Variants in JAKMIP3 observed in about 807,000 individuals in gnomAD.
JAKMIP3 encodes Janus kinase and microtubule interacting protein 3.
In JAKMIP3, 58 loss-of-function variants were observed where a neutral mutation model predicts 118.5. That is an observed-to-expected ratio of 0.49 (90% CI 0.40 to 0.61). The LOEUF is 0.61. Among genes scored for constraint, JAKMIP3 ranks in the 20% least tolerant of loss-of-function variants. The pLI, the probability that JAKMIP3 is intolerant of heterozygous loss-of-function variation, is 0.00. For missense variants in JAKMIP3, 950 were observed against 1,109.0 expected, an observed-to-expected ratio of 0.86 and a Z score of 2.04; for synonymous variants, 486 against 451.2, an observed-to-expected ratio of 1.08 and a Z score of -0.98.
chr10:132,071,318 A>G (rs1224209328), intron 1 of JAKMIP3, among the ~76,000 whole-genome samples: 2 of 152,026 alleles, frequency 1.3e-5, no homozygotes, highest in African/African-American at 2.4e-5. Flanking sequence ...GATTTGTTTT[A>G]TTACCCAGCA....
At position 132,117,053 on chromosome 10, in the gene JAKMIP3, C is replaced by G. The variant is rs2047799622; in HGVS notation, c.136-24C>G. 1.3e-6 allele frequency: 2 copies of G among 1,584,530 alleles called. No individual in the cohort carries two copies. Among genetic ancestry groups the G allele is most frequent in the African/African-American group, 1.3e-5 (1 of 74,330 alleles). ...GTGCATGGCTGGAGCTCCTGCCACACTCAGTCTCGCTGTTGTCTTTCAGGT... is the reference window on the plus strand; with the variant it reads ...GTGCATGGCTGGAGCTCCTGCCACAGTCAGTCTCGCTGTTGTCTTTCAGGT... On this transcript the variant is annotated intron_variant, in intron 2 of 23. Transcript: ENST00000684848. The surrounding 1 kb of genome is among the most constrained non-coding windows in gnomAD (Gnocchi z 8.6).
At chr10:132,133,839 C>T (rs1030259963) in intron 4 of JAKMIP3, among the ~76,000 whole-genome samples, 7 of 152,230 alleles carry the variant, frequency 4.6e-5, no homozygotes, top group East Asian at 3.8e-4. Flanking sequence ...GCCCGGAGTC[C>T]GGCCCTGGGT....
chr10:132,088,360 C>A (rs2042669418), intron 1 of JAKMIP3, among the ~76,000 whole-genome samples: 1 of 152,218 alleles, frequency 6.6e-6, no homozygotes, highest in Non-Finnish European at 1.5e-5. Context: ...CACATCCTCT[C>A]CAGCACCTGT....
chr10:132,098,909 G>A (rs185434722), intron 1 of JAKMIP3, among the ~76,000 whole-genome samples: 2 of 152,342 alleles, frequency 1.3e-5, no homozygotes, highest in African/African-American at 4.8e-5. Context: ...TCCTCAGGGT[G>A]TTCTTACACT....
chr10:132,152,402 G>A (rs1347772645), intron 16 of JAKMIP3, among the ~76,000 whole-genome samples: 1 of 152,178 alleles, frequency 6.6e-6, no homozygotes, highest in Non-Finnish European at 1.5e-5. Context: ...TGCCCACATC[G>A]AAAGCCATAA....
intron 6 of JAKMIP3, 148 bp from the exon 7 acceptor site, chr10:132,136,871 G>A (rs959997939): frequency 2.6e-6 from 2 of 776,780 alleles, no homozygotes; most frequent in South Asian, 1.8e-5. Flanking sequence ...TCTGCAGCTG[G>A]GCTGTTCTGA....
At chr10:132,177,021 T>C (rs1310425899) in intron 23 of JAKMIP3, among the ~76,000 whole-genome samples, 1 of 152,208 alleles carries the variant, frequency 6.6e-6, no homozygotes, top group Non-Finnish European at 1.5e-5. Flanking sequence ...CAAATGTTAC[T>C]GGGTGATTTG....
At chr10:132,078,491 T>C (rs948597836) in intron 1 of JAKMIP3, among the ~76,000 whole-genome samples, 1 of 152,150 alleles carries the variant, frequency 6.6e-6, no homozygotes, top group African/African-American at 2.4e-5. Flanking sequence ...CTTTAATCCA[T>C]TTAGAATTTT....
chr10:132,170,941 C>T (rs985130733), intron 23 of JAKMIP3, among the ~76,000 whole-genome samples: 3 of 152,232 alleles, frequency 2.0e-5, no homozygotes, highest in Non-Finnish European at 4.4e-5. Flanking sequence ...CCAAGCGTCA[C>T]GTTGCACCAG....
At chr10:132,096,277 T>C (rs994709106) in intron 1 of JAKMIP3, among the ~76,000 whole-genome samples, 3 of 152,262 alleles carry the variant, frequency 2.0e-5, no homozygotes, top group African/African-American at 7.2e-5. Context: ...GTTTATTTTA[T>C]AGAGTGATCG....
At chr10:132,150,327 GAT>G (rs1564967404) in intron 16 of JAKMIP3, among the ~76,000 whole-genome samples, 9 of 152,160 alleles carry the variant, frequency 5.9e-5, no homozygotes, top group Non-Finnish European at 1.2e-4. Flanking sequence ...TTGCCATGAG[GAT>G]AGGGGGCTGT....
chr10:132,125,449 G>A lies in JAKMIP3; in HGVS notation c.634-7863G>A, dbSNP rs537188431. On this transcript the variant is annotated intron_variant, in intron 3 of 23. Transcript: ENST00000684848. ...TCTGGTGCTCCGCCTTGCGGCGTTA[G>A]TACCACGTCTTAGTTCCGACACTCT... 5.9e-5 allele frequency among the ~76,000 whole-genome samples: 9 copies of A among 152,388 alleles called. No homozygotes were observed. In the East Asian group the frequency reaches 1.7e-3, roughly 29 times the overall value.
intron 1 of JAKMIP3, among the ~76,000 whole-genome samples, chr10:132,040,914 T>C (rs886206118): frequency 4.6e-5 from 7 of 150,964 alleles, no homozygotes; most frequent in African/African-American, 1.7e-4. Context: ...CAACACCTCA[T>C]AGAACTGGAA....
intron 3 of JAKMIP3, among the ~76,000 whole-genome samples, chr10:132,119,344 T>C (rs923711235): frequency 6.6e-6 from 1 of 152,226 alleles, no homozygotes; most frequent in African/African-American, 2.4e-5. Flanking sequence ...TCTAATTTGC[T>C]TATCTTTCCC....
At chr10:132,139,492 ATG>A (rs578141838) in intron 9 of JAKMIP3, among the ~76,000 whole-genome samples, 10 of 138,982 alleles carry the variant, frequency 7.2e-5, no homozygotes, top group Non-Finnish European at 4.9e-5. Flanking sequence ...GTGTGAGAGT[ATG>A]TGAGTGTGTA....
chr10:132,181,036 T>C (rs1035374421), intron 23 of JAKMIP3, among the ~76,000 whole-genome samples: 4 of 152,098 alleles, frequency 2.6e-5, no homozygotes, highest in Admixed American at 2.6e-4. Context: ...TGTTTGCACA[T>C]GTGCAGGTAT....
rs115392091 is a variant in JAKMIP3 at position 132,176,445 on chromosome 10, C to T, written c.*1104-5912C>T. Among the ~76,000 whole-genome samples the T allele has an allele frequency of 2.7e-3, 413 of 152,306 alleles. 1 individual carries two copies. The highest frequency in any genetic ancestry group is 9.4e-3 in the African/African-American group (391 of 41,564). ...CGCTCTTGCTGCTGGTCTGCAGCAG[C>T]TGCTTGCTCATTTCGTCCCTTCATT... On this transcript the variant is annotated intron_variant, in intron 23 of 23. Transcript: ENST00000684848.
Position 132,130,421 on chromosome 10 carries a change from A to G in JAKMIP3, c.634-2891A>G, listed in dbSNP as rs187245759. On this transcript the variant is annotated intron_variant, in intron 3 of 23. Coordinates refer to ENST00000684848, the MANE Select transcript of JAKMIP3 (RefSeq NM_001323087.2). ...CAGCCTTTTCTGTCTCACAAGGCGC[A>G]TTCGTGTGCTCACGTCACCACCCAC... is the stretch of plus-strand genomic sequence containing the variant. Among the ~76,000 whole-genome samples, 22 of 152,326 alleles carry G rather than the reference A, an allele frequency of 1.4e-4. No individual in the cohort carries two copies. In the East Asian group the frequency reaches 4.0e-3, roughly 28 times the overall value.
chr10:132,104,314 C>T (rs370946936), intron 1 of JAKMIP3, among the ~76,000 whole-genome samples: 1 of 152,184 alleles, frequency 6.6e-6, no homozygotes, highest in African/African-American at 2.4e-5. Flanking sequence ...TTTATATGTG[C>T]CATTGCCGCC....
Sources: allele counts gnomAD v4.1 joint callset (sites outside exome capture counted in the v4.1 genomes callset), GRCh38; gene constraint gnomAD v4.1.1; non-coding constraint Gnocchi (gnomAD v3.1); transcripts MANE v1.5; gene names NCBI Gene and HGNC (gene_info 2026-07-23, HGNC 2026-07-21).